The following SUZ12 variants were observed in gnomAD, a reference collection of about 807,000 sequenced individuals.
SUZ12 encodes SUZ12 polycomb repressive complex 2 subunit.
Under a neutral mutation model 87.3 loss-of-function variants are expected in SUZ12, and 17 were observed. The observed-to-expected ratio is 0.19, with a 90% CI of 0.13 to 0.29. The LOEUF (loss-of-function observed/expected upper bound fraction) is 0.29, where lower values mean the gene tolerates loss of function less well. Among genes scored for constraint, SUZ12 ranks in the 10% least tolerant of loss-of-function variants. SUZ12 has a pLI of 1.00. For synonymous variants in SUZ12, 253 were observed against 312.4 expected, an observed-to-expected ratio of 0.81 and a Z score of 2.01; for missense variants, 526 against 912.2, an observed-to-expected ratio of 0.58 and a Z score of 5.45.
Position 31,998,679 on chromosome 17 carries a change from G to T in SUZ12, c.1896G>T (p.Met632Ile). 6.4e-7 allele frequency: 1 copy of T among 1,556,384 alleles called. No homozygotes were observed. Among genetic ancestry groups the T allele is most frequent in the South Asian group, 1.2e-5 (1 of 82,830 alleles). The change falls in exon 16 of 16, where the codon ATG becomes ATT. Residue 632 changes from methionine (M) to isoleucine (I), a missense_variant. By Grantham distance (10) the Met-to-Ile change is conservative (BLOSUM62 1). Transcript: ENST00000322652. ...ATAGGTTTATTGCTGACAATCAAAT[G>T]AATCATGCCTGTATGCTGTTTGTAG... ...MKHGFIADNQ[M>I]NHACMLFVEN... is the part of the protein sequence containing the mutation.
At chr17:31,987,508 G>T (rs1315045747) in intron 9 of SUZ12, among the ~76,000 whole-genome samples, 1 of 152,160 alleles carries the variant, frequency 6.6e-6, no homozygotes, top group Non-Finnish European at 1.5e-5. Flanking sequence ...GTCATTGTCA[G>T]TGAAACTGAG....
intron 3 of SUZ12, among the ~76,000 whole-genome samples, chr17:31,943,108 G>A (rs1906405066): frequency 1.3e-5 from 2 of 152,318 alleles, no homozygotes; most frequent in South Asian, 2.1e-4. Flanking sequence ...GCGTGCATGA[G>A]CAAGTTTGCA....
chr17:31,969,887 T>G (rs1908310216), intron 5 of SUZ12, among the ~76,000 whole-genome samples: 1 of 152,076 alleles, frequency 6.6e-6, no homozygotes, highest in Non-Finnish European at 1.5e-5. Context: ...AAAAAAAAAT[T>G]TTTAATTCTT....
Position 31,937,102 on chromosome 17 carries a change from C to T in SUZ12, c.-145C>T, listed in dbSNP as rs1236872367. 1.5e-6 allele frequency: 1 copy of T among 659,288 alleles called. No individual in the cohort carries two copies. Among genetic ancestry groups the T allele is most frequent in the Non-Finnish European group, 2.3e-6 (1 of 441,726 alleles). The allele number at this position is 659,288 out of a possible 1,614,324, so 40.8% of individuals were successfully genotyped here. A position where few individuals can be genotyped will look rare whatever the true frequency, so the allele number is the denominator to read the frequency against. On this transcript the variant is annotated 5_prime_UTR_variant, in exon 1 of 16. Coordinates refer to ENST00000322652, the MANE Select transcript of SUZ12 (RefSeq NM_015355.4). ...CTCCCTCCTTCCCTCCTCTCCTCCT[C>T]CCTTCCCTTCCCCTCTCCTCCCCTC...
intron 5 of SUZ12, among the ~76,000 whole-genome samples, chr17:31,972,921 C>T (rs1327206925): frequency 3.4e-5 from 5 of 148,464 alleles, no homozygotes; most frequent in South Asian, 2.2e-4. Flanking sequence ...GCATATAGGA[C>T]GGTAATTATA....
Position 31,983,098 on chromosome 17 carries a change from T to G in SUZ12, c.1017T>G (p.Asp339Glu). 6.2e-7 allele frequency: 1 copy of G among 1,613,574 alleles called. No homozygotes were observed. The highest frequency in any genetic ancestry group is 1.3e-5 in the African/African-American group (1 of 74,988). The change falls in exon 9 of 16, where the codon GAT (aspartate) becomes GAG (glutamate). Residue 339 changes from aspartate to glutamate, a missense_variant. Asp to Glu is a conservative substitution (Grantham distance 45, BLOSUM62 2). This residue lies in a region of SUZ12 where 10 missense variants were observed against 50.9 expected (regional missense o/e 0.20). Coordinates refer to ENST00000322652, the MANE Select transcript of SUZ12 (RefSeq NM_015355.4). ...KKRATWETIL[D>E]GKRLPPFETF... is the part of the protein sequence containing the mutation. ...GAGCAACATGGGAGACTATTCTTGA[T>G]GGGAAGGTATGGACTACTTAGAAGG... is the stretch of plus-strand genomic sequence containing the variant.
At chr17:31,972,297 G>A (rs1415269401) in intron 5 of SUZ12, among the ~76,000 whole-genome samples, 2 of 150,128 alleles carry the variant, frequency 1.3e-5, no homozygotes, top group Non-Finnish European at 3.0e-5. Flanking sequence ...AAAGGAATTA[G>A]GAAATATATA....
Position 31,993,292 on chromosome 17 carries a change from A to G in SUZ12, c.1252A>G (p.Thr418Ala). 2 of 1,588,438 alleles carry G rather than the reference A, an allele frequency of 1.3e-6. No homozygotes were observed. The highest frequency in any genetic ancestry group is 1.7e-6 in the Non-Finnish European group (2 of 1,172,268). The stretch of plus-strand genomic sequence containing the variant: ...TCTACAAACAAGAAAAGAAAAGGAT[A>G]CTCCAAATGAAAACCGACAAAAATT... Reference protein sequence around the residue: ...TDLQTRKEKDTPNENRQKLRI... With the variant: ...TDLQTRKEKDAPNENRQKLRI... The change falls in exon 11 of 16, where the codon ACT becomes GCT. Residue 418 changes from threonine (T) to alanine (A), a missense_variant. Around this residue, in one of 9 missense-constraint regions of SUZ12, gnomAD observed 85 missense variants for 87.4 expected, o/e 0.97. Transcript: ENST00000322652.
rs1410196268 is a variant in SUZ12, at chr17:31,999,498, C to T, written c.*495C>T. ...ATTTTTATGAAATTATATTGCATTA[C>T]TATTTGCAGTCAAACTTTGATCCTT... is the stretch of plus-strand genomic sequence containing the variant. On this transcript the variant is annotated 3_prime_UTR_variant, in exon 16 of 16. Transcript: ENST00000322652. 4.3e-6 allele frequency: 1 copy of T among 230,964 alleles called. No individual in the cohort carries two copies. Among genetic ancestry groups the T allele is most frequent in the East Asian group, 6.2e-5 (1 of 16,164 alleles). 14.3% of individuals were successfully genotyped at this position (230,964 alleles called of 1,614,324 possible).
At chr17:31,983,455 T>C (rs1294814429) in intron 9 of SUZ12, among the ~76,000 whole-genome samples, 1 of 150,762 alleles carries the variant, frequency 6.6e-6, no homozygotes, top group Non-Finnish European at 1.5e-5. Flanking sequence ...AATTTTTTTT[T>C]ATTTTCAGTA....
chr17:31,990,162 A>T, intron 10 of SUZ12, among the ~76,000 whole-genome samples: 1 of 115,962 alleles, frequency 8.6e-6, no homozygotes, highest in South Asian at 2.9e-4. Flanking sequence ...TTTAGTAGAG[A>T]TGGGGTTTCA....
At chr17:31,953,253 C>T (rs192342983) in intron 4 of SUZ12, among the ~76,000 whole-genome samples, 122 of 152,166 alleles carry the variant, frequency 8.0e-4, no homozygotes, top group African/African-American at 2.8e-3. Context: ...TTACAGGCAT[C>T]TGCCACCACA....
At chr17:31,978,032 A>G (rs1017643230) in intron 8 of SUZ12, among the ~76,000 whole-genome samples, 3 of 152,178 alleles carry the variant, frequency 2.0e-5, no homozygotes, top group Non-Finnish European at 2.9e-5. Context: ...ATCACCAGTG[A>G]AAGAATGTCT....
At chr17:31,964,033 T>G (rs1046995017) in intron 4 of SUZ12, 8 of 152,288 alleles carry the variant, frequency 5.3e-5, no homozygotes, top group Non-Finnish European at 7.3e-5. Flanking sequence ...GTTGTTTGTT[T>G]TTTGTTTTTT....
Position 31,937,573 on chromosome 17 carries a change from G to A in SUZ12, c.274+53G>A, listed in dbSNP as rs1906016683. On this transcript the variant is annotated intron_variant, in intron 1 of 15. Coordinates refer to ENST00000322652, the MANE Select transcript of SUZ12 (RefSeq NM_015355.4). Reference sequence around the variant, plus strand: ...GGAAGACCCACTCTGCCAACACCGGGGATGGGACACTCTGCTGGGCCCCCT... The same window carrying A: ...GGAAGACCCACTCTGCCAACACCGGAGATGGGACACTCTGCTGGGCCCCCT... 3.3e-6 allele frequency: 5 copies of A among 1,526,444 alleles called. No homozygotes were observed. The African/African-American group carries it at 4.2e-5, about 13-fold the overall frequency. 94.6% of individuals were successfully genotyped at this position (1,526,444 alleles called of 1,614,324 possible). A position where few individuals can be genotyped will look rare whatever the true frequency, so the allele number is the denominator to read the frequency against.
At chr17:31,958,862 T>A (rs1907529136) in intron 4 of SUZ12, among the ~76,000 whole-genome samples, 1 of 150,126 alleles carries the variant, frequency 6.7e-6, no homozygotes, top group Non-Finnish European at 1.5e-5. Context: ...AATAAATAAA[T>A]AAAACATTAG....
intron 12 of SUZ12, 108 bp downstream of exon 12, chr17:31,994,116 A>C: frequency 3.8e-6 from 4 of 1,040,206 alleles, no homozygotes; most frequent in East Asian, 2.7e-5. Context: ...AAAAGGGAAA[A>C]AATATGCATT....
intron 9 of SUZ12, among the ~76,000 whole-genome samples, chr17:31,988,044 C>CT (rs1325590373): frequency 6.6e-6 from 1 of 152,104 alleles, no homozygotes; most frequent in Non-Finnish European, 1.5e-5. Context: ...GAAAATCTGT[C>CT]TGTGTTGGAC....
intron 4 of SUZ12, among the ~76,000 whole-genome samples, chr17:31,964,960 C>T (rs1203694048): frequency 1.3e-5 from 2 of 151,580 alleles, no homozygotes; most frequent in East Asian, 1.9e-4. Context: ...CCAACCTGGG[C>T]GAGAAGAGCG....
Sources: gnomAD v4.1 joint callset for allele counts (sites outside exome capture counted in the v4.1 genomes callset) on GRCh38, gnomAD v4.1.1 for gene constraint, gnomAD v4.1.1 regional missense constraint, MANE v1.5 for transcripts, NCBI Gene and HGNC (gene_info 2026-07-23, HGNC 2026-07-21) for gene names.